Variants in KIF6 observed in about 807,000 individuals in gnomAD.
KIF6 encodes the protein kinesin family member 6, also known as kinesin-like protein KIF6.
Under a neutral mutation model 112.7 loss-of-function variants are expected in KIF6, and 106 were observed. The ratio of observed to expected loss-of-function variants is 0.94; its 90% CI spans 0.80 to 1.11. The LOEUF is 1.11. Ranked by LOEUF, KIF6 falls within the 50% of genes least tolerant of loss-of-function variation. The pLI, the probability that KIF6 is intolerant of heterozygous loss-of-function variation, is 0.00. For missense variants in KIF6, 929 were observed against 964.0 expected (o/e 0.96, Z 0.48); for synonymous variants, 339 against 339.9 (o/e 1.00, Z 0.03).
intron 13 of KIF6, among the ~76,000 whole-genome samples, chr6:39,531,517 A>G (rs1778058921): frequency 6.6e-6 from 1 of 152,108 alleles, no homozygotes; most frequent in African/African-American, 2.4e-5. Context: ...CCTTTGGAAA[A>G]GGCCAGTAAA....
intron 10 of KIF6, among the ~76,000 whole-genome samples, chr6:39,572,387 A>G (rs1437618270): frequency 1.3e-5 from 2 of 152,130 alleles, no homozygotes; most frequent in Non-Finnish European, 2.9e-5. Context: ...TGTATCCTAT[A>G]CCTCTAACCC....
chr6:39,560,609 T>C (rs1361378882), intron 10 of KIF6, among the ~76,000 whole-genome samples: 1 of 152,216 alleles, frequency 6.6e-6, no homozygotes, highest in Non-Finnish European at 1.5e-5. Context: ...GTAATTTCTA[T>C]TCCCCGCAAT....
chr6:39,582,156 T>C (rs997326401), intron 9 of KIF6, among the ~76,000 whole-genome samples: 1 of 152,216 alleles, frequency 6.6e-6, no homozygotes, highest in Non-Finnish European at 1.5e-5. Context: ...TACTAAGGCT[T>C]TTAAGTCAAA....
intron 13 of KIF6, among the ~76,000 whole-genome samples, chr6:39,432,904 G>A (rs1771260448): frequency 1.3e-5 from 2 of 152,166 alleles, no homozygotes; most frequent in Admixed American, 1.3e-4. Context: ...GAGCCTGCTT[G>A]GGGGATCTCC....
intron 13 of KIF6, among the ~76,000 whole-genome samples, chr6:39,525,847 A>G (rs1178257209): frequency 6.7e-6 from 1 of 148,458 alleles, no homozygotes; most frequent in Non-Finnish European, 1.5e-5. Context: ...ATAAATAAAT[A>G]AAGCCTTTTT....
At chr6:39,389,694 G>C (rs1767711966) in intron 15 of KIF6, among the ~76,000 whole-genome samples, 2 of 152,180 alleles carry the variant, frequency 1.3e-5, no homozygotes, top group African/African-American at 4.8e-5. Context: ...TTGGACTTGA[G>C]ATGAAGCAAA....
At chr6:39,680,909 G>A (rs302562) in intron 3 of KIF6, among the ~76,000 whole-genome samples, 122,582 of 152,102 alleles carry the variant, frequency 0.81, 50,009 homozygotes, top group East Asian at 0.97. Context: ...CACAGTGCTT[G>A]TCTTTAGTAT....
chr6:39,682,897 G>A (rs181341681), intron 3 of KIF6, among the ~76,000 whole-genome samples: 4 of 152,282 alleles, frequency 2.6e-5, no homozygotes, highest in Non-Finnish European at 4.4e-5. Context: ...TTTCTAATGC[G>A]ATTGGGAGGT....
chr6:39,555,752 A>G (rs1167206774), intron 10 of KIF6, among the ~76,000 whole-genome samples: 2 of 152,104 alleles, frequency 1.3e-5, no homozygotes, highest in Non-Finnish European at 2.9e-5. Context: ...CAGGTGTTTG[A>G]GACCAGCCTG....
At chr6:39,675,138 T>C (rs540055243) in intron 3 of KIF6, among the ~76,000 whole-genome samples, 1 of 151,962 alleles carries the variant, frequency 6.6e-6, no homozygotes, top group African/African-American at 2.4e-5. Context: ...AAGAAGTAAA[T>C]GAAAATCGAA....
At position 39,336,552 on chromosome 6, in the gene KIF6, A is replaced by G; in HGVS notation, c.2429-4T>C. ...GAAATTCAATTGCTTCCCAAACCTG[A>G]AAGGGAGACAGGATGCTTTTGGTTA... is the stretch of plus-strand genomic sequence containing the variant. On this transcript the variant is annotated splice_polypyrimidine_tract_variant and splice_region_variant and intron_variant, in intron 22 of 22. Transcript: ENST00000287152. 1.2e-6 allele frequency: 2 copies of G among 1,613,904 alleles called. No individual in the cohort carries two copies. Among genetic ancestry groups the G allele is most frequent in the Non-Finnish European group, 1.7e-6 (2 of 1,179,814 alleles).
intron 2 of KIF6, among the ~76,000 whole-genome samples, chr6:39,715,503 C>CTTT (rs1582515891): frequency 5.3e-5 from 3 of 56,678 alleles, no homozygotes; most frequent in South Asian, 6.5e-4. Context: ...GACACAGAAT[C>CTTT]TATTTTTTTT....
intron 3 of KIF6, among the ~76,000 whole-genome samples, chr6:39,704,706 A>G (rs529219340): frequency 6.6e-6 from 1 of 152,308 alleles, no homozygotes; most frequent in East Asian, 1.9e-4. Context: ...TTGGGATCTG[A>G]ACTGCACTTA....
intron 13 of KIF6, chr6:39,431,486 T>C (rs1771155616): frequency 4.3e-6 from 1 of 234,620 alleles, no homozygotes; most frequent in Non-Finnish European, 8.2e-6. Flanking sequence ...AAATGCCTTT[T>C]CTTACCATCG....
intron 13 of KIF6, among the ~76,000 whole-genome samples, chr6:39,447,911 T>G (rs1331402544): frequency 1.3e-5 from 2 of 152,200 alleles, no homozygotes; most frequent in Non-Finnish European, 2.9e-5. Context: ...TTTATTTGAG[T>G]TGGCCTCTCG....
intron 10 of KIF6, among the ~76,000 whole-genome samples, chr6:39,567,689 G>A (rs1467713351): frequency 6.6e-6 from 1 of 151,276 alleles, no homozygotes; most frequent in Non-Finnish European, 1.5e-5. Flanking sequence ...CTCACTCCAA[G>A]CTCCGCCTCT....
rs1251957185 is a variant in KIF6 at position 39,720,785 on chromosome 6, T to A, written c.93A>T (p.Lys31Asn). The change falls in exon 2 of 23, where the codon AAA (lysine) becomes AAT (asparagine). Residue 31 changes from lysine to asparagine, a missense_variant. Physicochemically the swap from Lys to Asn is moderately conservative, Grantham distance 94. Coordinates refer to ENST00000287152, the MANE Select transcript of KIF6 (RefSeq NM_145027.6). ...QGIYSIDEDE[K>N]LIPSLEIILP... ...AGATGATTTCCAAGCTAGGTATTAATTTTTCATCTTCATCTATGGAATAAA... is the reference window on the plus strand; with the variant it reads ...AGATGATTTCCAAGCTAGGTATTAAATTTTCATCTTCATCTATGGAATAAA... 11 of 1,592,854 alleles carry A rather than the reference T, an allele frequency of 6.9e-6. No individual in the cohort carries two copies. The highest frequency in any genetic ancestry group is 8.6e-6 in the Non-Finnish European group (10 of 1,160,842).
intron 13 of KIF6, among the ~76,000 whole-genome samples, chr6:39,435,338 A>C (rs2150387675): frequency 6.6e-6 from 1 of 152,308 alleles, no homozygotes; most frequent in Admixed American, 6.5e-5. Context: ...TTTTATTATT[A>C]CTTCTAGAAT....
chr6:39,721,714 T>G (rs1274616026), intron 1 of KIF6, among the ~76,000 whole-genome samples: 2 of 150,954 alleles, frequency 1.3e-5, no homozygotes, highest in Non-Finnish European at 2.9e-5. Context: ...CAGAATTACC[T>G]CCCTTACAAG....
Sources: gnomAD v4.1 joint callset for allele counts (sites outside exome capture counted in the v4.1 genomes callset) on GRCh38, gnomAD v4.1.1 for gene constraint, MANE v1.5 for transcripts, NCBI Gene and HGNC (gene_info 2026-07-23, HGNC 2026-07-21) for gene names.